Variants in MYO5A observed in about 807,000 individuals in gnomAD.
MYO5A encodes the protein unconventional myosin-Va.
MYO5A carries 98 observed loss-of-function variants against 249.7 expected under a neutral mutation model. The observed-to-expected ratio is 0.39, with a 90% CI of 0.33 to 0.46. MYO5A has a LOEUF of 0.46. MYO5A is among the 20% of genes least tolerant of loss of function. MYO5A has a pLI of 0.98. For missense variants in MYO5A, 1,696 were observed against 2,308.8 expected, an observed-to-expected ratio of 0.73 and a Z score of 5.44; for synonymous variants, 778 against 810.6, an observed-to-expected ratio of 0.96 and a Z score of 0.68.
At chr15:52,318,923 G>C in intron 39 of MYO5A, 137 bp downstream of exon 39, 1 of 1,131,410 alleles carries the variant, frequency 8.8e-7, no homozygotes, top group South Asian at 1.3e-5. Context: ...CTCCGTGCCA[G>C]TTTCTCCCTT....
intron 30 of MYO5A, among the ~76,000 whole-genome samples, chr15:52,345,221 T>C (rs2039558774): frequency 6.6e-6 from 1 of 152,186 alleles, no homozygotes; most frequent in South Asian, 2.1e-4. Flanking sequence ...ACCTAAAAAC[T>C]TGTAATATGT....
At chr15:52,383,575 A>G (rs1033943397) in intron 15 of MYO5A, among the ~76,000 whole-genome samples, 32 of 152,184 alleles carry the variant, frequency 2.1e-4, no homozygotes, top group Admixed American at 1.4e-3. Context: ...GACTTAAAAG[A>G]GTATAGGTAA....
At chr15:52,398,343 T>C (rs981233656) in intron 9 of MYO5A, among the ~76,000 whole-genome samples, 5 of 152,220 alleles carry the variant, frequency 3.3e-5, no homozygotes, top group African/African-American at 9.6e-5. Flanking sequence ...ATTTAATCCA[T>C]GTTAGTACAT....
chr15:52,515,572 GAAGT>G (rs1281766163), intron 1 of MYO5A, among the ~76,000 whole-genome samples: 1 of 152,202 alleles, frequency 6.6e-6, no homozygotes, highest in Non-Finnish European at 1.5e-5. Flanking sequence ...ACAACCCTAT[GAAGT>G]AAGTATTATG....
chr15:52,323,502 A>C (rs1596285793), intron 36 of MYO5A, 58 bp from the exon 37 acceptor site: 2 of 1,289,060 alleles, frequency 1.6e-6, no homozygotes, highest in East Asian at 4.7e-5. Flanking sequence ...CAACCTAAAA[A>C]AAATTGAACA....
chr15:52,390,015 C>A (rs4625671), intron 12 of MYO5A, among the ~76,000 whole-genome samples: 1 of 152,046 alleles, frequency 6.6e-6, no homozygotes, highest in Non-Finnish European at 1.5e-5. Context: ...CTATTATGTA[C>A]GTTTTTAAAA....
chr15:52,402,928 T>C (rs1053174987), intron 9 of MYO5A, among the ~76,000 whole-genome samples: 3 of 152,070 alleles, frequency 2.0e-5, no homozygotes, highest in South Asian at 2.1e-4. Context: ...AATAGTGAAA[T>C]TGTAGTACTT....
intron 10 of MYO5A, 106 bp downstream of exon 10, chr15:52,397,095 C>T (rs188589883): frequency 7.4e-7 from 1 of 1,358,648 alleles, no homozygotes; most frequent in African/African-American, 1.4e-5. Flanking sequence ...GCAAAGTTTC[C>T]CTTCTCTTTA....
chr15:52,320,169 C>T (rs147432253), intron 38 of MYO5A, among the ~76,000 whole-genome samples: 178 of 152,330 alleles, frequency 1.2e-3, no homozygotes, highest in African/African-American at 4.0e-3. Context: ...AATTCGTCTT[C>T]TCACCTGTGG....
Position 52,391,824 on chromosome 15 carries a change from G to T in MYO5A, c.1542+106C>A. 3.3e-6 allele frequency: 4 copies of T among 1,198,752 alleles called. No individual in the cohort carries two copies. In the South Asian group the frequency reaches 3.7e-5, roughly 11 times the overall value. The allele number at this position is 1,198,752 out of a possible 1,614,324, so 74.3% of individuals were successfully genotyped here. A position where few individuals can be genotyped will look rare whatever the true frequency, so the allele number is the denominator to read the frequency against. ...AAGCATAACCCCTACTTGTCACCAC[G>T]ACGGCATTCCATGATATACTAATGA... On this transcript the variant is annotated intron_variant, in intron 12 of 41. Coordinates refer to ENST00000399233, the MANE Select transcript of MYO5A (RefSeq NM_001382347.1).
At chr15:52,372,046 A>T in intron 21 of MYO5A, 78 bp downstream of exon 21, 1 of 1,604,740 alleles carries the variant, frequency 6.2e-7, no homozygotes, top group Non-Finnish European at 8.5e-7. Context: ...GTAAAGTCAA[A>T]GAAAAACAAT....
intron 1 of MYO5A, among the ~76,000 whole-genome samples, chr15:52,454,537 T>C (rs1336658402): frequency 1.3e-5 from 2 of 152,092 alleles, no homozygotes; most frequent in African/African-American, 2.4e-5. Flanking sequence ...TTTCACCCAT[T>C]TGCAGAAGAG....
chr15:52,480,257 T>C (rs1006739262), intron 1 of MYO5A, among the ~76,000 whole-genome samples: 1 of 152,198 alleles, frequency 6.6e-6, no homozygotes, highest in Non-Finnish European at 1.5e-5. Flanking sequence ...CTACAAAGTC[T>C]CTAGCTAAAA....
At chr15:52,329,763 G>T (rs960507883) in intron 35 of MYO5A, among the ~76,000 whole-genome samples, 13 of 152,202 alleles carry the variant, frequency 8.5e-5, no homozygotes, top group African/African-American at 2.9e-4. Flanking sequence ...TTTTGAGAAA[G>T]ACTCTTGCTG....
intron 34 of MYO5A, 150 bp from the exon 35 acceptor site, chr15:52,330,649 C>T (rs1416352867): frequency 1.0e-6 from 1 of 952,820 alleles, no homozygotes; most frequent in Non-Finnish European, 1.5e-6. Flanking sequence ...TAATTTTTTT[C>T]TGTTAAAATT....
chr15:52,485,998 A>C (rs76503940), intron 1 of MYO5A, among the ~76,000 whole-genome samples: 3,730 of 152,364 alleles, frequency 0.024, 142 homozygotes, highest in African/African-American at 0.086. Flanking sequence ...ATGAGGGCAC[A>C]GTTCTGAAAC....
rs145975491 is a variant in MYO5A at position 52,393,305 on chromosome 15, G to A, written c.1402-1235C>T. Among the ~76,000 whole-genome samples the A allele has an allele frequency of 4.3e-4, 66 of 152,182 alleles. 1 individual carries two copies. The East Asian group carries it at 7.0e-3, about 16-fold the overall frequency. On this transcript the variant is annotated intron_variant, in intron 11 of 41. Coordinates refer to ENST00000399233, the MANE Select transcript of MYO5A (RefSeq NM_001382347.1). ...ACTTACGTGCCACAAGATTTCCAAT[G>A]CATACTCTCCTCATGTGTCTGGAAC...
At chr15:52,462,962 G>C (rs1278083731) in intron 1 of MYO5A, among the ~76,000 whole-genome samples, 1 of 152,170 alleles carries the variant, frequency 6.6e-6, no homozygotes, top group Non-Finnish European at 1.5e-5. Context: ...TAAGTGGTAT[G>C]ATTGAACTGA....
At chr15:52,466,005 C>A (rs2076345264) in intron 1 of MYO5A, among the ~76,000 whole-genome samples, 1 of 152,178 alleles carries the variant, frequency 6.6e-6, no homozygotes, top group African/African-American at 2.4e-5. Flanking sequence ...CTGTGGTCCA[C>A]TTTCCCACTA....
Sources: allele counts gnomAD v4.1 joint callset (sites outside exome capture counted in the v4.1 genomes callset), GRCh38; gene constraint gnomAD v4.1.1; transcripts MANE v1.5; gene names NCBI Gene and HGNC (gene_info 2026-07-23, HGNC 2026-07-21).